DNAH11: variants seen among roughly 807,000 people sequenced by gnomAD.
DNAH11 encodes the protein axonemal beta dynein heavy chain 11.
Under a neutral mutation model 526.0 loss-of-function variants are expected in DNAH11, and 442 were observed. The ratio of observed to expected loss-of-function variants is 0.84; its 90% CI spans 0.78 to 0.91. The LOEUF (loss-of-function observed/expected upper bound fraction) is 0.91, where lower values mean the gene tolerates loss of function less well. DNAH11 is among the 40% of genes least tolerant of loss of function. The pLI, the probability that DNAH11 is intolerant of heterozygous loss-of-function variation, is 0.00. For synonymous variants in DNAH11, 2,461 were observed against 1,935.9 expected (o/e 1.27, Z -7.12); for missense variants, 6,989 against 5,448.7 (o/e 1.28, Z -8.90).
At position 21,700,474 on chromosome 7, in the gene DNAH11, CT is replaced by C. The variant is rs375096521; in HGVS notation, c.6181-2235del. ...ATGTTTAGCAGAGGCACCAAGTCCT[CT>C]GAAATCTGTGGTCCAAAATTTCTTC... On this transcript the variant is annotated intron_variant, in intron 36 of 81. Coordinates refer to ENST00000409508, the MANE Select transcript of DNAH11 (RefSeq NM_001277115.2). Among the ~76,000 whole-genome samples the C allele has an allele frequency of 8.2e-4, 125 of 152,328 alleles. 1 individual carries two copies. In the East Asian group the frequency reaches 9.6e-3, roughly 12 times the overall value.
At chr7:21,603,599 T>A (rs1785175194) in intron 18 of DNAH11, among the ~76,000 whole-genome samples, 1 of 152,238 alleles carries the variant, frequency 6.6e-6, no homozygotes, top group Non-Finnish European at 1.5e-5. Flanking sequence ...AATTACTGTA[T>A]ATGAATTGTT....
intron 55 of DNAH11, among the ~76,000 whole-genome samples, chr7:21,767,736 G>A (rs190116926): frequency 1.3e-5 from 2 of 152,228 alleles, no homozygotes; most frequent in Admixed American, 1.3e-4. Flanking sequence ...ATGTGTCCAT[G>A]GTCTTCTAAA....
rs778003957 is a variant in DNAH11, at chr7:21,807,961, C to T, written c.10244C>T (p.Ala3415Val). 1.1e-5 allele frequency: 17 copies of T among 1,608,146 alleles called. No homozygotes were observed. The highest frequency in any genetic ancestry group is 2.2e-5 in the East Asian group (1 of 44,800). ...CTCTGTGGAGATGTTCTTCTCACGG[C>T]GGCATTTGTGTCTTACGTCGGACCC... Reference protein sequence around the residue: ...KTLCGDVLLTAAFVSYVGPFT... With the variant: ...KTLCGDVLLTVAFVSYVGPFT... The change falls in exon 63 of 82, where the codon GCG becomes GTG. Residue 3415 changes from alanine to valine, a missense_variant. Coordinates refer to ENST00000409508, the MANE Select transcript of DNAH11 (RefSeq NM_001277115.2).
chr7:21,841,789 G>A (rs760986633), intron 65 of DNAH11, among the ~76,000 whole-genome samples: 9 of 152,144 alleles, frequency 5.9e-5, no homozygotes, highest in Non-Finnish European at 1.0e-4. Flanking sequence ...TAAATTAGAC[G>A]ATAATCATAC....
In DNAH11 at chr7:21,601,320, C is replaced by G. The variant is rs1010765150; in HGVS notation, c.3426-76C>G. On this transcript the variant is annotated intron_variant, in intron 17 of 81. Coordinates refer to ENST00000409508, the MANE Select transcript of DNAH11 (RefSeq NM_001277115.2). ...TCAGGTACATAATGAAAATAAGATT[C>G]AATCAGAAGTCTTATACTGCTAAAT... The G allele has an allele frequency of 9.6e-6, 14 of 1,458,716 alleles. No homozygotes were observed. The Admixed American group carries it at 2.4e-4, about 25-fold the overall frequency. The allele number at this position is 1,458,716 out of a possible 1,614,324, so 90.4% of individuals were successfully genotyped here. A position where few individuals can be genotyped will look rare whatever the true frequency, so the allele number is the denominator to read the frequency against.
At chr7:21,615,091 A>T (rs1381948920) in intron 20 of DNAH11, 23 bp from the exon 21 acceptor site, 12 of 1,580,910 alleles carry the variant, frequency 7.6e-6, no homozygotes, top group African/African-American at 1.4e-5. Flanking sequence ...GTTTGTATGC[A>T]GGTGTTTATG....
At chr7:21,755,432 A>G (rs1413692317) in intron 54 of DNAH11, among the ~76,000 whole-genome samples, 2 of 152,122 alleles carry the variant, frequency 1.3e-5, no homozygotes, top group African/African-American at 4.8e-5. Context: ...CTGTAGGGCA[A>G]AGGACACTTG....
chr7:21,774,799 A>T (rs545466160), intron 56 of DNAH11, among the ~76,000 whole-genome samples: 170 of 152,274 alleles, frequency 1.1e-3, no homozygotes, highest in African/African-American at 3.9e-3. Flanking sequence ...GAAGACTTTG[A>T]AGAGTAGCCC....
At chr7:21,547,247 G>T (rs370947090) in intron 2 of DNAH11, among the ~76,000 whole-genome samples, 1 of 152,156 alleles carries the variant, frequency 6.6e-6, no homozygotes, top group Non-Finnish European at 1.5e-5. Context: ...TCAGAATTTC[G>T]TAGTGTTTTA....
At chr7:21,873,558 G>C in intron 74 of DNAH11, 57 bp downstream of exon 74, 3 of 1,539,218 alleles carry the variant, frequency 1.9e-6, no homozygotes, top group South Asian at 1.1e-5. Context: ...TCACAAGACT[G>C]TGGGGCCCAG....
At chr7:21,575,913 T>C (rs1016825941) in intron 8 of DNAH11, among the ~76,000 whole-genome samples, 1 of 152,226 alleles carries the variant, frequency 6.6e-6, no homozygotes, top group Admixed American at 6.5e-5. Context: ...TCCATCAGAT[T>C]TATATACTAA....
chr7:21,614,593 C>G (rs1413134166), intron 20 of DNAH11, among the ~76,000 whole-genome samples: 2 of 152,136 alleles, frequency 1.3e-5, no homozygotes, highest in Admixed American at 1.3e-4. Flanking sequence ...TTGATAAAGA[C>G]AGTCATATGG....
chr7:21,710,470 A>T lies in DNAH11; in HGVS notation c.6684-83A>T. On this transcript the variant is annotated intron_variant, in intron 40 of 81. Coordinates refer to ENST00000409508, the MANE Select transcript of DNAH11 (RefSeq NM_001277115.2). ...AGAAAGAGGCAGCAAAATCGTTTTT[A>T]TTTAGTTAATAAAAGAGCTTCCAAG... The T allele has an allele frequency of 1.5e-6, 2 of 1,318,338 alleles. No individual in the cohort carries two copies. The highest frequency in any genetic ancestry group is 2.1e-6 in the Non-Finnish European group (2 of 966,656). 81.7% of individuals were successfully genotyped at this position (1,318,338 alleles called of 1,614,324 possible). A position where few individuals can be genotyped will look rare whatever the true frequency, so the allele number is the denominator to read the frequency against.
At chr7:21,592,866 G>A (rs1784737880) in intron 14 of DNAH11, among the ~76,000 whole-genome samples, 1 of 152,132 alleles carries the variant, frequency 6.6e-6, no homozygotes. Context: ...AGACTGTGGT[G>A]AGCAGATTTT....
intron 74 of DNAH11, among the ~76,000 whole-genome samples, chr7:21,879,091 G>A (rs916346784): frequency 2.0e-5 from 3 of 152,102 alleles, no homozygotes; most frequent in African/African-American, 7.2e-5. Context: ...TTTTATGGCT[G>A]TTGGGCCATA....
intron 79 of DNAH11, among the ~76,000 whole-genome samples, chr7:21,898,242 C>G (rs1478067820): frequency 1.3e-5 from 2 of 152,124 alleles, no homozygotes; most frequent in Non-Finnish European, 2.9e-5. Context: ...TGTGTGGTGC[C>G]TATGCTGTTT....
intron 79 of DNAH11, among the ~76,000 whole-genome samples, chr7:21,897,719 G>A (rs978234700): frequency 1.3e-5 from 2 of 152,142 alleles, no homozygotes; most frequent in South Asian, 4.1e-4. Flanking sequence ...GGGTTCAACC[G>A]ATTCTCCTGC....
chr7:21,544,679 A>G (rs1170037466), intron 1 of DNAH11, among the ~76,000 whole-genome samples: 1 of 120,046 alleles, frequency 8.3e-6, no homozygotes, highest in Non-Finnish European at 1.9e-5. Flanking sequence ...TTTAGGATTG[A>G]AACATTTCTA....
intron 40 of DNAH11, among the ~76,000 whole-genome samples, chr7:21,709,453 GA>G (rs1784383220): frequency 6.6e-6 from 1 of 152,116 alleles, no homozygotes; most frequent in African/African-American, 2.4e-5. Context: ...AGCAGGGGAT[GA>G]AAAACTACCT....
Sources: allele counts gnomAD v4.1 joint callset (sites outside exome capture counted in the v4.1 genomes callset), GRCh38; gene constraint gnomAD v4.1.1; transcripts MANE v1.5; gene names NCBI Gene and HGNC (gene_info 2026-07-23, HGNC 2026-07-21).